The following IQCM variants were observed in gnomAD, a reference collection of about 807,000 sequenced individuals.
IQCM encodes IQ domain-containing protein M.
Under a neutral mutation model 57.6 loss-of-function variants are expected in IQCM, and 45 were observed. The observed-to-expected ratio is 0.78, with a 90% CI of 0.62 to 1.00. The LOEUF (loss-of-function observed/expected upper bound fraction) is 1.00, where lower values mean the gene tolerates loss of function less well. Ranked by LOEUF, IQCM falls within the 50% of genes least tolerant of loss-of-function variation. The probability of loss-of-function intolerance (pLI) is 0.00; values close to 1 mark genes in which losing one functional copy is unlikely to be tolerated. For missense variants in IQCM, 468 were observed against 511.6 expected (o/e 0.91, Z 0.82); for synonymous variants, 148 against 158.9 (o/e 0.93, Z 0.51).
Position 149,398,242 on chromosome 4 carries a change from T to C in IQCM, c.1390+35154A>G, listed in dbSNP as rs978237809. On this transcript the variant is annotated intron_variant, in intron 13 of 13. Transcript: ENST00000636793. ...CAGTTCTGCTCCATTTGTTTATACG[T>C]CTTTGTAACAGTACCATCCTATTTT... 3.3e-5 allele frequency among the ~76,000 whole-genome samples: 5 copies of C among 151,996 alleles called. 1 individual carries two copies. The highest frequency in any genetic ancestry group is 1.2e-4 in the African/African-American group (5 of 41,412).
At chr4:149,784,838 T>C (rs75620402) in intron 2 of IQCM, among the ~76,000 whole-genome samples, 3,401 of 152,356 alleles carry the variant, frequency 0.022, 64 homozygotes, top group South Asian at 0.036. Flanking sequence ...TGTATTTCTC[T>C]CTGTACCAGA....
intron 7 of IQCM, among the ~76,000 whole-genome samples, chr4:149,675,018 G>A (rs1172285248): frequency 6.6e-6 from 1 of 152,010 alleles, no homozygotes; most frequent in Non-Finnish European, 1.5e-5. Flanking sequence ...TACAAAGATT[G>A]TTGTAATTTG....
At chr4:149,738,155 G>A (rs1222395421) in intron 3 of IQCM, among the ~76,000 whole-genome samples, 1 of 152,112 alleles carries the variant, frequency 6.6e-6, no homozygotes, top group Admixed American at 6.6e-5. Flanking sequence ...GCAGTGCTGC[G>A]GCTCTGCACA....
intron 9 of IQCM, among the ~76,000 whole-genome samples, chr4:149,576,827 A>T (rs1751705760): frequency 6.6e-6 from 1 of 152,014 alleles, no homozygotes; most frequent in South Asian, 2.1e-4. Context: ...TGCTTTCCAC[A>T]GTGGCTGAAC....
intron 13 of IQCM, among the ~76,000 whole-genome samples, chr4:149,389,718 G>GA (rs1560796117): frequency 8.0e-4 from 105 of 131,218 alleles, no homozygotes; most frequent in African/African-American, 2.7e-3. Flanking sequence ...TGGGTTGGGG[G>GA]CGGGGGGAGG....
chr4:149,815,289 G>A (rs187531054), intron 2 of IQCM, 22 bp downstream of exon 2: 8 of 151,998 alleles, frequency 5.3e-5, no homozygotes, highest in Admixed American at 2.0e-4. Context: ...TACAGACAAC[G>A]TGGTATATTA....
At chr4:149,425,286 T>C (rs756714273) in intron 13 of IQCM, among the ~76,000 whole-genome samples, 7 of 151,958 alleles carry the variant, frequency 4.6e-5, no homozygotes, top group South Asian at 2.1e-4. Flanking sequence ...GAGATATACA[T>C]AAAGAAATTG....
intron 13 of IQCM, among the ~76,000 whole-genome samples, chr4:149,364,341 T>A (rs1050592818): frequency 6.6e-6 from 1 of 152,122 alleles, no homozygotes; most frequent in Admixed American, 6.5e-5. Context: ...ACAGAACATA[T>A]CACAGCTCAA....
At chr4:149,474,840 A>G (rs921692599) in intron 12 of IQCM, among the ~76,000 whole-genome samples, 1 of 152,124 alleles carries the variant, frequency 6.6e-6, no homozygotes, top group African/African-American at 2.4e-5. Flanking sequence ...CTGAGTAGAG[A>G]GCATCCTAGG....
At chr4:149,579,575 C>A (rs571744815) in intron 9 of IQCM, among the ~76,000 whole-genome samples, 2 of 152,018 alleles carry the variant, frequency 1.3e-5, no homozygotes, top group South Asian at 4.1e-4. Flanking sequence ...GCATGAACTA[C>A]CAGCAGTTCA....
intron 12 of IQCM, among the ~76,000 whole-genome samples, chr4:149,481,708 T>TTTTTTTTTG (rs1740877645): frequency 7.4e-6 from 1 of 134,710 alleles, no homozygotes; most frequent in Non-Finnish European, 1.6e-5. Flanking sequence ...TTTGTTTTTT[T>TTTTTTTTTG]TTTTTTTTTT....
intron 7 of IQCM, among the ~76,000 whole-genome samples, chr4:149,669,901 C>A: frequency 6.6e-6 from 1 of 152,140 alleles, no homozygotes; most frequent in East Asian, 1.9e-4. Flanking sequence ...AGTTAGAAGT[C>A]AGGTAGCATG....
chr4:149,702,512 C>T (rs975225293), intron 5 of IQCM, among the ~76,000 whole-genome samples: 12 of 151,902 alleles, frequency 7.9e-5, no homozygotes, highest in African/African-American at 2.4e-4. Flanking sequence ...ATAAATTAAG[C>T]ACTCAGTAAA....
chr4:149,377,826 A>C (rs1378770176), intron 13 of IQCM, among the ~76,000 whole-genome samples: 1 of 152,140 alleles, frequency 6.6e-6, no homozygotes, highest in Admixed American at 6.6e-5. Flanking sequence ...AAATGCTAAA[A>C]ATCCTCACCT....
intron 5 of IQCM, among the ~76,000 whole-genome samples, chr4:149,695,911 G>T (rs1231962918): frequency 6.6e-6 from 1 of 152,168 alleles, no homozygotes; most frequent in Non-Finnish European, 1.5e-5. Context: ...TTTGTTAATG[G>T]TTGTGAAGGT....
At chr4:149,708,636 G>A (rs1764336879) in intron 5 of IQCM, among the ~76,000 whole-genome samples, 1 of 151,950 alleles carries the variant, frequency 6.6e-6, no homozygotes, top group Non-Finnish European at 1.5e-5. Context: ...GAGGTAAACA[G>A]CTCTTTGTAC....
chr4:149,780,308 C>A (rs988651551), intron 2 of IQCM: 3 of 151,986 alleles, frequency 2.0e-5, no homozygotes, highest in Admixed American at 2.0e-4. Flanking sequence ...TTTGTTGACA[C>A]GTCTTGATGG....
chr4:149,657,666 C>T (rs1249333119), intron 7 of IQCM, among the ~76,000 whole-genome samples: 1 of 151,986 alleles, frequency 6.6e-6, no homozygotes, highest in Non-Finnish European at 1.5e-5. Context: ...TTCGTTAATA[C>T]TTGTTTTCTT....
intron 12 of IQCM, among the ~76,000 whole-genome samples, chr4:149,540,890 G>A (rs1747786053): frequency 6.6e-6 from 1 of 152,044 alleles, no homozygotes. Flanking sequence ...CAATAAGGAT[G>A]TGTCAAATTT....
Sources: gnomAD v4.1 joint callset for allele counts (sites outside exome capture counted in the v4.1 genomes callset) on GRCh38, gnomAD v4.1.1 for gene constraint, MANE v1.5 for transcripts, NCBI Gene and HGNC (gene_info 2026-07-23, HGNC 2026-07-21) for gene names.